Variants in PIEZO1 observed in about 807,000 individuals in gnomAD.
PIEZO1 encodes the protein piezo-type mechanosensitive ion channel component 1.
PIEZO1 carries 296 observed loss-of-function variants against 297.2 expected under a neutral mutation model. That is an observed-to-expected ratio of 1.00 (90% CI 0.91 to 1.10). PIEZO1 has a LOEUF of 1.10. PIEZO1 is among the 50% of genes least tolerant of loss of function. PIEZO1 has a pLI of 0.00. For missense variants in PIEZO1, 5,018 were observed against 3,455.5 expected, an observed-to-expected ratio of 1.45 and a Z score of -11.34; for synonymous variants, 2,427 against 1,507.5, an observed-to-expected ratio of 1.61 and a Z score of -14.13.
At position 88,741,564 on chromosome 16, in the gene PIEZO1, C is replaced by A. The variant is rs977538061; in HGVS notation, c.379G>T (p.Gly127Cys). The stretch of plus-strand genomic sequence containing the variant: ...CAGACAGAGGAGACCACCAAGATGC[C>A]CAGGTCAGGGGCCACCAGCCGGATG... ...NAIRLVAPDL[G>C]ILVVSSVCLG... Residue 127 changes from glycine (G) to cysteine (C), a missense_variant, in exon 5 of 51, where the codon GGC becomes TGC. Coordinates refer to ENST00000301015, the MANE Select transcript of PIEZO1 (RefSeq NM_001142864.4). 1.3e-6 allele frequency: 2 copies of A among 1,535,764 alleles called. No homozygotes were observed. The highest frequency in any genetic ancestry group is 1.7e-6 in the Non-Finnish European group (2 of 1,146,800).
chr16:88,747,430 C>T (rs1159940910), intron 2 of PIEZO1, among the ~76,000 whole-genome samples: 1 of 152,188 alleles, frequency 6.6e-6, no homozygotes, highest in Admixed American at 6.5e-5. Flanking sequence ...GCGGGAGAAT[C>T]GCTTGAACCC....
intron 10 of PIEZO1, 111 bp from the exon 11 acceptor site, chr16:88,736,850 C>A (rs950294037): frequency 9.3e-6 from 6 of 645,604 alleles, no homozygotes; most frequent in Non-Finnish European, 1.5e-5. Flanking sequence ...AGAGACAGGC[C>A]CCCGGTGGGC....
At chr16:88,749,264 G>T in intron 2 of PIEZO1, 120 bp downstream of exon 2, 1 of 605,538 alleles carries the variant, frequency 1.7e-6, no homozygotes, top group Non-Finnish European at 2.7e-6. Flanking sequence ...ATTTTATTTC[G>T]GGACCCCTCA....
intron 2 of PIEZO1, chr16:88,745,241 G>A (rs1274970709): frequency 6.6e-6 from 1 of 152,226 alleles, no homozygotes; most frequent in Non-Finnish European, 1.5e-5. Flanking sequence ...GACACACCCA[G>A]CTCACAGTGG....
Position 88,757,795 on chromosome 16 carries a change from G to A in PIEZO1, c.65-8316C>T, listed in dbSNP as rs143909243. 5.6e-4 allele frequency among the ~76,000 whole-genome samples: 85 copies of A among 152,264 alleles called. 1 individual carries two copies. The highest frequency in any genetic ancestry group is 2.0e-3 in the African/African-American group (84 of 41,536). On this transcript the variant is annotated intron_variant, in intron 1 of 50. Transcript: ENST00000301015. ...AAGGGTGGCACCATCCCACCCCACA[G>A]ACAGGCGAACTGAGCCCAGCATGGC...
Position 88,716,843 on chromosome 16 carries a change from G to T in PIEZO1, c.6716C>A (p.Ala2239Asp), listed in dbSNP as rs1008660415. 1 of 1,550,122 alleles carries T rather than the reference G, an allele frequency of 6.5e-7. No individual in the cohort carries two copies. The highest frequency in any genetic ancestry group is 8.7e-7 in the Non-Finnish European group (1 of 1,146,954). Residue 2239 changes from alanine (A) to aspartate (D), a missense_variant, in exon 46 of 51, where the codon GCC becomes GAC. Coordinates refer to ENST00000301015, the MANE Select transcript of PIEZO1 (RefSeq NM_001142864.4). ...QPSIIPFTAQAYEELSRQFDP... is the reference protein window; with the variant it reads ...QPSIIPFTAQDYEELSRQFDP... ...AAACTGCCGGGACAGCTCCTCATAG[G>T]CCTGGGCCGTGAAGGGGATGATGGA...
chr16:88,737,360 T>C (rs1424364558), intron 10 of PIEZO1, 199 bp downstream of exon 10: 2 of 552,286 alleles, frequency 3.6e-6, no homozygotes, highest in Non-Finnish European at 6.4e-6. Flanking sequence ...TGGGGGTTGG[T>C]CAGTGACATG....
chr16:88,730,307 C>T (rs996299193), intron 22 of PIEZO1, among the ~76,000 whole-genome samples: 35 of 152,300 alleles, frequency 2.3e-4, no homozygotes, highest in African/African-American at 5.5e-4. Flanking sequence ...GAAAACAAGA[C>T]GGGGCCGGGC....
chr16:88,722,217 C>T lies in PIEZO1; in HGVS notation c.4955+1G>A. On this transcript the variant is annotated splice_donor_variant, in intron 36 of 50. Transcript: ENST00000301015. LOFTEE classifies it high-confidence loss of function. The stretch of plus-strand genomic sequence containing the variant: ...TGGTGTTGTGCGCGTCCCGCCCCCA[C>T]CTGTCCAGGAGCAGCTCGCTGGCCG... The T allele has an allele frequency of 6.5e-7, 1 of 1,545,776 alleles. No individual in the cohort carries two copies. Among genetic ancestry groups the T allele is most frequent in the Non-Finnish European group, 8.7e-7 (1 of 1,146,546 alleles).
chr16:88,784,369 G>C (rs1371265027), intron 1 of PIEZO1, among the ~76,000 whole-genome samples: 2 of 152,250 alleles, frequency 1.3e-5, no homozygotes, highest in East Asian at 1.9e-4. Flanking sequence ...GTGCAGCGGT[G>C]AGCGGGGCTG....
intron 1 of PIEZO1, among the ~76,000 whole-genome samples, chr16:88,756,782 A>G (rs1045418685): frequency 6.6e-6 from 1 of 150,900 alleles, no homozygotes; most frequent in Admixed American, 6.6e-5. Flanking sequence ...AACAATAAAA[A>G]TAAAAACAAA....
At position 88,721,514 on chromosome 16, in the gene PIEZO1, T is replaced by C. The variant is rs994375462; in HGVS notation, c.5403+24A>G. ...CCCAGAGGGCCTGCCCAGCCCCGCA[T>C]TGCCAGCCAAGGCTCACACTCACCA... On this transcript the variant is annotated intron_variant, in intron 38 of 50. Transcript: ENST00000301015. 1.2e-5 allele frequency: 19 copies of C among 1,542,388 alleles called. No individual in the cohort carries two copies. The East Asian group carries it at 3.2e-4, about 26-fold the overall frequency.
chr16:88,737,136 C>G (rs759262564), intron 10 of PIEZO1: 1 of 244,964 alleles, frequency 4.1e-6, no homozygotes, highest in Non-Finnish European at 7.9e-6. Flanking sequence ...CCCCCAGGCC[C>G]TCCCAAGGCG....
chr16:88,726,244 C>G (rs1366384153), intron 27 of PIEZO1, 40 bp downstream of exon 27: 3 of 1,505,110 alleles, frequency 2.0e-6, no homozygotes, highest in South Asian at 2.5e-5. Context: ...CTCCCAGCCC[C>G]AAGACGGGAG....
Position 88,734,658 on chromosome 16 carries a change from G to A in PIEZO1, c.1989C>T (p.Thr663=), listed in dbSNP as rs936735628. 3.7e-5 allele frequency: 58 copies of A among 1,550,122 alleles called. No homozygotes were observed. The African/African-American group carries it at 4.0e-4, about 11-fold the overall frequency. ...PAYWRNLTGF[T]DEQLGDLGLE... The stretch of plus-strand genomic sequence containing the variant: ...CCCCAGCCTGGACTCACTGCTCGTC[G>A]GTGAAGCCAGTGAGGTTGCGCCAGT... The change falls in exon 15 of 51, where the codon ACC becomes ACT. Residue 663 remains threonine (T), a synonymous_variant. Coordinates refer to ENST00000301015, the MANE Select transcript of PIEZO1 (RefSeq NM_001142864.4).
At chr16:88,726,213 T>C in intron 27 of PIEZO1, 71 bp downstream of exon 27, 2 of 1,326,434 alleles carry the variant, frequency 1.5e-6, no homozygotes, top group Non-Finnish European at 2.0e-6. Flanking sequence ...CCTGAGACAG[T>C]GAGGAACCTC....
At chr16:88,728,461 G>A (rs971453323) in intron 22 of PIEZO1, among the ~76,000 whole-genome samples, 9 of 149,134 alleles carry the variant, frequency 6.0e-5, no homozygotes, top group Admixed American at 2.0e-4. Context: ...AGGGAACCTC[G>A]CGACCCAAAA....
At position 88,766,591 on chromosome 16, in the gene PIEZO1, G is replaced by A. The variant is rs1419998897; in HGVS notation, c.65-17112C>T. Among the ~76,000 whole-genome samples the A allele has an allele frequency of 3.3e-5, 5 of 152,358 alleles. No homozygotes were observed. In the East Asian group the frequency reaches 7.7e-4, roughly 24 times the overall value. ...ACACCCACCTACCTCCGGGGCCCTG[G>A]GCCCAGCTGACTGAGCTTGACAGCC... On this transcript the variant is annotated intron_variant, in intron 1 of 50. Coordinates refer to ENST00000301015, the MANE Select transcript of PIEZO1 (RefSeq NM_001142864.4).
In PIEZO1 at chr16:88,719,860, T is replaced by C. The variant is rs1439772453; in HGVS notation, c.6265A>G (p.Ile2089Val). Residue 2089 changes from isoleucine (I) to valine (V), a missense_variant, in exon 43 of 51, where the codon ATC becomes GTC. Transcript: ENST00000301015. The stretch of plus-strand genomic sequence containing the variant: ...TTCTTGGTGAGGAAGTTGCCGAGGA[T>C]GCGGGTGGGGTAGCCGCAGCGGATC... ...YQIRCGYPTR[I>V]LGNFLTKKYN... 3 of 1,550,508 alleles carry C rather than the reference T, an allele frequency of 1.9e-6. No homozygotes were observed. Among genetic ancestry groups the C allele is most frequent in the Non-Finnish European group, 2.6e-6 (3 of 1,146,930 alleles).
Sources: gnomAD v4.1 joint callset for allele counts (sites outside exome capture counted in the v4.1 genomes callset) on GRCh38, gnomAD v4.1.1 for gene constraint, MANE v1.5 for transcripts, NCBI Gene and HGNC (gene_info 2026-07-23, HGNC 2026-07-21) for gene names.